The following ZFAND3 variants were observed in gnomAD, a reference collection of about 807,000 sequenced individuals.
ZFAND3 encodes AN1-type zinc finger protein 3.
ZFAND3 carries 10 observed loss-of-function variants against 29.6 expected under a neutral mutation model. That is an observed-to-expected ratio of 0.34 (90% CI 0.21 to 0.57). ZFAND3 has a LOEUF of 0.57. ZFAND3 is among the 20% of genes least tolerant of loss of function. ZFAND3 has a pLI of 0.86. For synonymous variants in ZFAND3, 128 were observed against 112.6 expected (o/e 1.14, Z -0.87); for missense variants, 230 against 304.5 (o/e 0.76, Z 1.82).
In ZFAND3 at chr6:38,118,904, T is replaced by C. The variant is rs141823901; in HGVS notation, c.529+2165T>C. 5.9e-5 allele frequency among the ~76,000 whole-genome samples: 9 copies of C among 152,292 alleles called. No individual in the cohort carries two copies. In the East Asian group the frequency reaches 1.7e-3, roughly 29 times the overall value. On this transcript the variant is annotated intron_variant, in intron 5 of 5. Transcript: ENST00000287218. ...GCAGGAGGCTGGATTGCTAAATGCA[T>C]ATTGGGTTTGCTTCAGTATGCATCC...
At chr6:38,039,865 T>C (rs1458918196) in intron 2 of ZFAND3, among the ~76,000 whole-genome samples, 1 of 152,170 alleles carries the variant, frequency 6.6e-6, no homozygotes, top group Non-Finnish European at 1.5e-5. Context: ...GACCAAGTGG[T>C]TATTAGGCAT....
intron 2 of ZFAND3, among the ~76,000 whole-genome samples, chr6:38,026,340 C>T (rs1763446802): frequency 6.6e-6 from 1 of 150,910 alleles, no homozygotes. Context: ...TATATAAGGT[C>T]TCAGAGGATG....
rs533195742 is a variant in ZFAND3, at chr6:37,887,751, G to A, written c.72-42208G>A. ...ACAAGAGTTAATCTAATTAAGCTGT[G>A]AAGATGTTTGTTAACTACCATATAT... On this transcript the variant is annotated intron_variant, in intron 1 of 5. Transcript: ENST00000287218. Among the ~76,000 whole-genome samples the A allele has an allele frequency of 3.3e-5, 5 of 152,336 alleles. No homozygotes were observed. In the East Asian group the frequency reaches 5.8e-4, roughly 18 times the overall value.
At chr6:38,000,235 C>A (rs1001577015) in intron 2 of ZFAND3, among the ~76,000 whole-genome samples, 3 of 152,090 alleles carry the variant, frequency 2.0e-5, no homozygotes, top group African/African-American at 4.8e-5. Flanking sequence ...ATTTGCGAGA[C>A]CCATAGCACC....
intron 1 of ZFAND3, among the ~76,000 whole-genome samples, chr6:37,928,667 A>G (rs920524648): frequency 1.3e-5 from 2 of 151,804 alleles, no homozygotes; most frequent in African/African-American, 4.8e-5. Flanking sequence ...GACGTGTGCC[A>G]CCTCTCCCAG....
chr6:38,032,957 A>G (rs528440747), intron 2 of ZFAND3, among the ~76,000 whole-genome samples: 20 of 152,330 alleles, frequency 1.3e-4, no homozygotes, highest in African/African-American at 4.6e-4. Context: ...TACTCTGTAT[A>G]AGACCCAAGC....
At position 38,129,695 on chromosome 6, in the gene ZFAND3, A is replaced by G. The variant is rs1233152337; in HGVS notation, c.529+12956A>G. On this transcript the variant is annotated intron_variant, in intron 5 of 5. Coordinates refer to ENST00000287218, the MANE Select transcript of ZFAND3 (RefSeq NM_021943.3). ...TCGTCTGTGTGCCTTTTGTTATGCC[A>G]TTACTATGCCGTTTTGGTGACTACG... Among the ~76,000 whole-genome samples the G allele has an allele frequency of 3.3e-5, 5 of 152,102 alleles. No individual in the cohort carries two copies. The East Asian group carries it at 9.7e-4, about 29-fold the overall frequency.
At chr6:38,117,256 C>CTTTTTTTTTTT (rs35684874) in intron 5 of ZFAND3, among the ~76,000 whole-genome samples, 2 of 96,352 alleles carry the variant, frequency 2.1e-5, no homozygotes, top group Non-Finnish European at 4.0e-5. Context: ...TTGAAATAGC[C>CTTTTTTTTTTT]TTTTTTTTTT....
intron 2 of ZFAND3, among the ~76,000 whole-genome samples, chr6:38,044,379 C>CTT (rs200870195): frequency 1.4e-5 from 2 of 145,440 alleles, no homozygotes; most frequent in East Asian, 4.0e-4. Context: ...AACACTCTTA[C>CTT]TTTTTTTTTT....
intron 3 of ZFAND3, chr6:38,062,447 A>G (rs1764260034): frequency 6.6e-6 from 1 of 151,030 alleles, no homozygotes; most frequent in Non-Finnish European, 1.5e-5. Context: ...CGGTTGTACC[A>G]TCTCAGCTGA....
At chr6:38,092,944 A>G (rs1257473615) in intron 4 of ZFAND3, among the ~76,000 whole-genome samples, 4 of 152,184 alleles carry the variant, frequency 2.6e-5, no homozygotes, top group African/African-American at 7.2e-5. Flanking sequence ...GAGACTTCCT[A>G]CTGTTAGAGA....
intron 1 of ZFAND3, among the ~76,000 whole-genome samples, chr6:37,844,729 T>C (rs1374049620): frequency 6.6e-6 from 1 of 151,784 alleles, no homozygotes; most frequent in Non-Finnish European, 1.5e-5. Flanking sequence ...AAAAAGCAAT[T>C]ATCGGCTGGG....
At chr6:37,910,925 A>G (rs937619038) in intron 1 of ZFAND3, among the ~76,000 whole-genome samples, 29 of 152,126 alleles carry the variant, frequency 1.9e-4, no homozygotes, top group Admixed American at 1.3e-4. Context: ...TATATGTCAC[A>G]TTTTATCCAT....
chr6:37,879,160 T>C (rs1764845482), intron 1 of ZFAND3, among the ~76,000 whole-genome samples: 1 of 152,212 alleles, frequency 6.6e-6, no homozygotes, highest in Non-Finnish European at 1.5e-5. Context: ...CCTTACAAAG[T>C]ATACCTTGGA....
intron 2 of ZFAND3, among the ~76,000 whole-genome samples, chr6:38,038,384 A>T (rs1240925368): frequency 6.6e-6 from 1 of 152,170 alleles, no homozygotes; most frequent in East Asian, 1.9e-4. Flanking sequence ...TATGAAAAGG[A>T]TTCTGACCTT....
chr6:37,844,751 A>G (rs1230736116), intron 1 of ZFAND3, among the ~76,000 whole-genome samples: 1 of 150,912 alleles, frequency 6.6e-6, no homozygotes, highest in Non-Finnish European at 1.5e-5. Flanking sequence ...GCGGTGGCTT[A>G]CTCCTGTAAT....
At chr6:37,923,297 G>A (rs1265056120) in intron 1 of ZFAND3, among the ~76,000 whole-genome samples, 2 of 152,022 alleles carry the variant, frequency 1.3e-5, no homozygotes, top group Non-Finnish European at 2.9e-5. Flanking sequence ...AAGCTTTTTT[G>A]TTAGGCCCCA....
intron 2 of ZFAND3, among the ~76,000 whole-genome samples, chr6:38,020,252 A>G (rs938693285): frequency 2.0e-5 from 3 of 152,226 alleles, no homozygotes; most frequent in African/African-American, 7.2e-5. Context: ...GTATATATTA[A>G]TTATATTCTT....
At chr6:38,135,467 G>A (rs868609408) in intron 5 of ZFAND3, among the ~76,000 whole-genome samples, 3 of 152,196 alleles carry the variant, frequency 2.0e-5, no homozygotes, top group Admixed American at 1.3e-4. Context: ...ACGTGAGGCC[G>A]GCCGTGGTGG....
Sources: gnomAD v4.1 joint callset for allele counts (sites outside exome capture counted in the v4.1 genomes callset) on GRCh38, gnomAD v4.1.1 for gene constraint, MANE v1.5 for transcripts, NCBI Gene and HGNC (gene_info 2026-07-23, HGNC 2026-07-21) for gene names.